The following TMEM266 variants were observed in gnomAD, a reference collection of about 807,000 sequenced individuals.
TMEM266 encodes the protein Hv1 related protein 1.
A neutral mutation model predicts 50.5 loss-of-function variants in TMEM266; 33 were observed. That is an observed-to-expected ratio of 0.65 (90% CI 0.50 to 0.87). The LOEUF (loss-of-function observed/expected upper bound fraction) is 0.87, where lower values mean the gene tolerates loss of function less well. Among genes scored for constraint, TMEM266 ranks in the 40% least tolerant of loss-of-function variants. The probability of loss-of-function intolerance (pLI) is 0.00; values close to 1 mark genes in which losing one functional copy is unlikely to be tolerated. For missense variants in TMEM266, 655 were observed against 695.1 expected (o/e 0.94, Z 0.65); for synonymous variants, 310 against 292.3 (o/e 1.06, Z -0.62).
intron 9 of TMEM266, among the ~76,000 whole-genome samples, chr15:76,201,659 G>T (rs2038750412): frequency 6.6e-6 from 1 of 152,178 alleles, no homozygotes; most frequent in South Asian, 2.1e-4. Flanking sequence ...AGTGCAGGTG[G>T]TGGAGATCCC....
chr15:76,199,833 A>G (rs1201259551), intron 9 of TMEM266, among the ~76,000 whole-genome samples: 1 of 142,962 alleles, frequency 7.0e-6, no homozygotes, highest in Non-Finnish European at 1.5e-5. Context: ...CTGGGAAACC[A>G]GGGAGGGGTA....
rs74850896 is a variant in TMEM266 at position 76,095,098 on chromosome 15, C to G, written c.-97+35082C>G. 3.2e-3 allele frequency among the ~76,000 whole-genome samples: 484 copies of G among 152,046 alleles called. 6 individuals are homozygous for G. Among genetic ancestry groups the G allele is most frequent in the African/African-American group, 0.011 (454 of 41,478 alleles). ...ACTTCCTCTCTTCCTATTTGAATACCCTTTATTTCTTTCTCTTGCCTGATT... is the reference window on the plus strand; with the variant it reads ...ACTTCCTCTCTTCCTATTTGAATACGCTTTATTTCTTTCTCTTGCCTGATT... On this transcript the variant is annotated intron_variant, in intron 1 of 10. Transcript: ENST00000388942.
chr15:76,167,794 C>T (rs1478699831), intron 5 of TMEM266, among the ~76,000 whole-genome samples: 2 of 152,110 alleles, frequency 1.3e-5, no homozygotes, highest in Admixed American at 1.3e-4. Flanking sequence ...AGCCATCGCG[C>T]CTGCTTGTTA....
At chr15:76,083,365 G>C (rs942420018) in intron 1 of TMEM266, among the ~76,000 whole-genome samples, 3 of 151,922 alleles carry the variant, frequency 2.0e-5, no homozygotes, top group Non-Finnish European at 4.4e-5. Context: ...CTCGAGCAAG[G>C]TAATGACCAA....
At chr15:76,140,311 A>G (rs1022382896) in intron 3 of TMEM266, among the ~76,000 whole-genome samples, 2 of 152,144 alleles carry the variant, frequency 1.3e-5, no homozygotes, top group African/African-American at 4.8e-5. Context: ...GCAAAAACAC[A>G]CTGCGAGGGA....
At chr15:76,092,647 G>A (rs1384188710) in intron 1 of TMEM266, among the ~76,000 whole-genome samples, 1 of 151,394 alleles carries the variant, frequency 6.6e-6, no homozygotes, top group Non-Finnish European at 1.5e-5. Context: ...CTGAGACTGT[G>A]CCACTGCACT....
At chr15:76,129,094 G>A (rs1057200077) in intron 1 of TMEM266, among the ~76,000 whole-genome samples, 3 of 152,004 alleles carry the variant, frequency 2.0e-5, no homozygotes, top group Non-Finnish European at 4.4e-5. Context: ...AATAGAAGCT[G>A]ACCAATGAAA....
intron 5 of TMEM266, among the ~76,000 whole-genome samples, chr15:76,164,181 G>A (rs1366180037): frequency 6.6e-6 from 1 of 152,060 alleles, no homozygotes; most frequent in Non-Finnish European, 1.5e-5. Context: ...TGTTTTCTCG[G>A]TTCATCCACG....
At chr15:76,140,296 G>A (rs2037657945) in intron 3 of TMEM266, among the ~76,000 whole-genome samples, 1 of 152,228 alleles carries the variant, frequency 6.6e-6, no homozygotes, top group Admixed American at 6.5e-5. Flanking sequence ...GGAAACTGAA[G>A]CAAAGCAAAA....
At chr15:76,112,903 G>C (rs2037193447) in intron 1 of TMEM266, 1 of 152,254 alleles carries the variant, frequency 6.6e-6, no homozygotes, top group Non-Finnish European at 1.5e-5. Context: ...CGTTGAAGTG[G>C]GCAAGAGAGA....
intron 8 of TMEM266, among the ~76,000 whole-genome samples, chr15:76,178,963 C>T (rs2038348016): frequency 1.3e-5 from 2 of 152,160 alleles, no homozygotes; most frequent in African/African-American, 2.4e-5. Flanking sequence ...GTCTGTGGTG[C>T]CCACTCCACA....
intron 1 of TMEM266, among the ~76,000 whole-genome samples, chr15:76,107,793 C>T (rs774482771): frequency 6.6e-6 from 1 of 152,112 alleles, no homozygotes; most frequent in Non-Finnish European, 1.5e-5. Context: ...AGAGACTTGT[C>T]TAGATCATTC....
intron 3 of TMEM266, among the ~76,000 whole-genome samples, chr15:76,152,713 CTCTGA>C (rs2142043969): frequency 6.6e-6 from 1 of 150,962 alleles, no homozygotes; most frequent in Non-Finnish European, 1.5e-5. Context: ...CTGAGGCCTG[CTCTGA>C]CCACCATATT....
intron 3 of TMEM266, among the ~76,000 whole-genome samples, chr15:76,144,878 C>A (rs572342289): frequency 6.6e-6 from 1 of 152,208 alleles, no homozygotes; most frequent in Non-Finnish European, 1.5e-5. Flanking sequence ...CATGGATAAC[C>A]TCAGGGGCCA....
intron 1 of TMEM266, among the ~76,000 whole-genome samples, chr15:76,086,975 T>C (rs907286373): frequency 2.6e-5 from 4 of 152,058 alleles, no homozygotes; most frequent in African/African-American, 9.7e-5. Flanking sequence ...CTGGTCCTTT[T>C]ATTACTTGGG....
intron 1 of TMEM266, among the ~76,000 whole-genome samples, chr15:76,064,968 G>A (rs1203201817): frequency 1.3e-5 from 2 of 152,128 alleles, no homozygotes; most frequent in Non-Finnish European, 2.9e-5. Context: ...CAATGCATAA[G>A]GCCAATTAAC....
At position 76,061,007 on chromosome 15, in the gene TMEM266, C is replaced by T. The variant is rs574427274; in HGVS notation, c.-97+991C>T. The stretch of plus-strand genomic sequence containing the variant: ...CACCTATCACATCATATCCTAAAGA[C>T]TGAATTTCTCTTCAGTGCATGTGTT... On this transcript the variant is annotated intron_variant, in intron 1 of 10. Transcript: ENST00000388942. Among the ~76,000 whole-genome samples the T allele has an allele frequency of 3.3e-5, 5 of 152,284 alleles. No homozygotes were observed. In the East Asian group the frequency reaches 9.7e-4, roughly 29 times the overall value.
Position 76,059,997 on chromosome 15 carries a change from A to C in TMEM266, c.-116A>C. The C allele has an allele frequency of 6.8e-6, 1 of 146,956 alleles. No individual in the cohort carries two copies. Among genetic ancestry groups the C allele is most frequent in the South Asian group, 2.2e-4 (1 of 4,526 alleles). The allele number at this position is 146,956 out of a possible 1,614,324, so 9.1% of individuals were successfully genotyped here. On this transcript the variant is annotated 5_prime_UTR_variant, in exon 1 of 11. Transcript: ENST00000388942. ...CCGGCGCCGCTGCAGAGCCGAGCGA[A>C]TCCCGAGCCCGGGCAGCAGGTATGT...
chr15:76,138,906 A>G (rs2037633641), intron 3 of TMEM266, among the ~76,000 whole-genome samples: 1 of 152,142 alleles, frequency 6.6e-6, no homozygotes, highest in African/African-American at 2.4e-5. Flanking sequence ...CACCAGTTTG[A>G]TGTCCTTGAT....
Sources: gnomAD v4.1 joint callset for allele counts (sites outside exome capture counted in the v4.1 genomes callset) on GRCh38, gnomAD v4.1.1 for gene constraint, MANE v1.5 for transcripts, NCBI Gene and HGNC (gene_info 2026-07-23, HGNC 2026-07-21) for gene names.